EPHA8: variants seen among roughly 807,000 people sequenced by gnomAD.
EPHA8 encodes the protein EPH receptor A8.
EPHA8 carries 58 observed loss-of-function variants against 103.6 expected under a neutral mutation model. That is an observed-to-expected ratio of 0.56 (90% confidence interval 0.45 to 0.70). EPHA8 has a LOEUF of 0.70. EPHA8 is among the 30% of genes least tolerant of loss of function. EPHA8 has a pLI of 0.00. For missense variants in EPHA8, 1,304 were observed against 1,395.2 expected, an observed-to-expected ratio of 0.93 and a Z score of 1.04; for synonymous variants, 559 against 572.5, an observed-to-expected ratio of 0.98 and a Z score of 0.34.
In EPHA8 at chr1:22,589,148, C is replaced by T. The variant is rs199976748; in HGVS notation, c.1257C>T (p.Ser419=). Residue 419 remains serine, a synonymous_variant, in exon 5 of 17, where the codon TCC becomes TCT. Coordinates refer to ENST00000166244, the MANE Select transcript of EPHA8 (RefSeq NM_020526.5). This position sits in a 1 kb window ranked among gnomAD's most constrained non-coding sequence, Gnocchi z 4.3. ...GGATCGAGGCCGTCAATGGCGTGTC[C>T]GACCTGAGCCCCGAGCCCCGCCGGG... is the stretch of plus-strand genomic sequence containing the variant. ...SFWIEAVNGV[S]DLSPEPRRAA... 1.7e-5 allele frequency: 27 copies of T among 1,613,868 alleles called. 1 individual carries two copies. The highest frequency in any genetic ancestry group is 1.6e-4 in the Middle Eastern group (1 of 6,062).
intron 3 of EPHA8, among the ~76,000 whole-genome samples, chr1:22,579,130 CAT>C (rs1491294218): frequency 6.6e-5 from 7 of 106,234 alleles, no homozygotes; most frequent in Non-Finnish European, 1.0e-4. Context: ...TGTATGTGTG[CAT>C]GTGTGTGTGC....
chr1:22,578,807 A>G (rs1052148288), intron 3 of EPHA8, among the ~76,000 whole-genome samples: 25 of 146,992 alleles, frequency 1.7e-4, no homozygotes, highest in African/African-American at 6.5e-4. Context: ...GCGTGTGTGC[A>G]TGTATGTGTA....
chr1:22,601,223 C>A, intron 15 of EPHA8, 77 bp from the exon 16 acceptor site: 1 of 1,541,388 alleles, frequency 6.5e-7, no homozygotes, highest in South Asian at 1.3e-5. Flanking sequence ...CTGCCGAACC[C>A]CTTCCTCAGC....
At position 22,576,504 on chromosome 1, in the gene EPHA8, G is replaced by GGCCGACGAGAGCTTCACAGGT; in HGVS notation, c.454_474dup (p.Glu152_Asp158dup). The GGCCGACGAGAGCTTCACAGGT allele has an allele frequency of 6.2e-7, 1 of 1,614,126 alleles. No homozygotes were observed. The highest frequency in any genetic ancestry group is 8.5e-7 in the Non-Finnish European group (1 of 1,180,038). ...AGTTCCTCAAAATCGACACCATTGCGGCCGACGAGAGCTTCACAGGTGCCG... is the reference window on the plus strand; with the variant it reads ...AGTTCCTCAAAATCGACACCATTGCGGCCGACGAGAGCTTCACAGGTGCCGACGAGAGCTTCACAGGTGCCG... On this transcript the variant is annotated inframe_insertion, in exon 3 of 17. Coordinates refer to ENST00000166244, the MANE Select transcript of EPHA8 (RefSeq NM_020526.5). The surrounding 1 kb of genome is among the most constrained non-coding windows in gnomAD (Gnocchi z 4.8).
In EPHA8 at chr1:22,597,198, A is replaced by G. The variant is rs557282203; in HGVS notation, c.1766-114A>G. The G allele has an allele frequency of 7.4e-4, 619 of 830,964 alleles. 12 individuals carry two copies. The South Asian group carries it at 0.012, about 16-fold the overall frequency. 51.5% of individuals were successfully genotyped at this position (830,964 alleles called of 1,614,324 possible). ...GTGCGTGTTGTTTGCTACCACATCCAGAGACTCCCAGAGACACCCCTCACC... is the reference window on the plus strand; with the variant it reads ...GTGCGTGTTGTTTGCTACCACATCCGGAGACTCCCAGAGACACCCCTCACC... On this transcript the variant is annotated intron_variant, in intron 9 of 16. Transcript: ENST00000166244. The surrounding 1 kb of genome is among the most constrained non-coding windows in gnomAD (Gnocchi z 4.6).
At chr1:22,591,540 T>C (rs1248457235) in intron 5 of EPHA8, among the ~76,000 whole-genome samples, 1 of 152,004 alleles carries the variant, frequency 6.6e-6, no homozygotes, top group Non-Finnish European at 1.5e-5. Context: ...CCCAAGTTTT[T>C]TAGATGAAAA....
Position 22,576,181 on chromosome 1 carries a change from G to C in EPHA8, c.160-36G>C. On this transcript the variant is annotated intron_variant, in intron 2 of 16. Transcript: ENST00000166244. The surrounding 1 kb of genome is among the most constrained non-coding windows in gnomAD (Gnocchi z 4.8). ...ATTGGCAAAAGAGGGTGAGGTGCTG[G>C]CTCTGCTGTAGTGGCTGTGTTCTCT... 6.4e-7 allele frequency: 1 copy of C among 1,569,080 alleles called. No homozygotes were observed. The highest frequency in any genetic ancestry group is 8.7e-7 in the Non-Finnish European group (1 of 1,154,692).
At chr1:22,568,632 A>T (rs1030855229) in intron 1 of EPHA8, among the ~76,000 whole-genome samples, 3 of 152,254 alleles carry the variant, frequency 2.0e-5, no homozygotes, top group South Asian at 4.1e-4. Flanking sequence ...ATATTGGCAC[A>T]TAGTGGGTGC....
intron 4 of EPHA8, among the ~76,000 whole-genome samples, chr1:22,588,312 C>T (rs994749974): frequency 2.6e-5 from 4 of 152,056 alleles, no homozygotes; most frequent in Non-Finnish European, 5.9e-5. Flanking sequence ...GGTCACCCCT[C>T]TCTCTCCAAA....
Position 22,597,240 on chromosome 1 carries a change from C to T in EPHA8, c.1766-72C>T, listed in dbSNP as rs1391769280. 2 of 1,294,352 alleles carry T rather than the reference C, an allele frequency of 1.5e-6. No homozygotes were observed. The highest frequency in any genetic ancestry group is 1.5e-5 in the African/African-American group (1 of 68,772). 80.2% of individuals were successfully genotyped at this position (1,294,352 alleles called of 1,614,324 possible). On this transcript the variant is annotated intron_variant, in intron 9 of 16. Coordinates refer to ENST00000166244, the MANE Select transcript of EPHA8 (RefSeq NM_020526.5). This position sits in a 1 kb window ranked among gnomAD's most constrained non-coding sequence, Gnocchi z 4.6. ...CCCCTCACCCCACCCCAGACCCATC[C>T]CAGGCCCAGGGAATGTCAGGAAAAA...
At chr1:22,585,027 CTGTGTGTGTG>C (rs772415643) in intron 3 of EPHA8, among the ~76,000 whole-genome samples, 1 of 147,464 alleles carries the variant, frequency 6.8e-6, no homozygotes, top group Non-Finnish European at 1.5e-5. Flanking sequence ...GGTCGTTTCT[CTGTGTGTGTG>C]TGTGTGTGTG....
chr1:22,569,169 G>A lies in EPHA8; in HGVS notation c.95-120G>A. On this transcript the variant is annotated intron_variant, in intron 1 of 16. Coordinates refer to ENST00000166244, the MANE Select transcript of EPHA8 (RefSeq NM_020526.5). The surrounding 1 kb of genome is among the most constrained non-coding windows in gnomAD (Gnocchi z 4.5). ...GAGAGAAAGGGCATTCAGGCAGAGG[G>A]ACCCGTGTGAGCTGTGTGCTGGGGG... The A allele has an allele frequency of 2.2e-6, 2 of 889,230 alleles. No individual in the cohort carries two copies. Among genetic ancestry groups the A allele is most frequent in the Non-Finnish European group, 3.6e-6 (2 of 556,912 alleles). The allele number at this position is 889,230 out of a possible 1,614,324, so 55.1% of individuals were successfully genotyped here.
Position 22,569,322 on chromosome 1 carries a change from A to T in EPHA8, c.128A>T (p.Asp43Val). Residue 43 changes from aspartate (D) to valine (V), a missense_variant, in exon 2 of 17, where the codon GAC (aspartate) becomes GTC (valine). Physicochemically the swap from Asp to Val is radical, Grantham distance 152. Coordinates refer to ENST00000166244, the MANE Select transcript of EPHA8 (RefSeq NM_020526.5). The surrounding 1 kb of genome is among the most constrained non-coding windows in gnomAD (Gnocchi z 4.5). ...CTGGACACGTCGACCATCCACGGGG[A>T]CTGGGGCTGGCTCACGTATCCGGCT... ...NLLDTSTIHG[D>V]WGWLTYPAHG... 1 of 1,608,618 alleles carries T rather than the reference A, an allele frequency of 6.2e-7. No homozygotes were observed. The highest frequency in any genetic ancestry group is 8.5e-7 in the Non-Finnish European group (1 of 1,177,498).
intron 14 of EPHA8, 26 bp downstream of exon 14, chr1:22,600,836 G>A (rs201527223): frequency 7.4e-5 from 118 of 1,590,264 alleles, no homozygotes; most frequent in South Asian, 4.9e-4. Flanking sequence ...TGGCAGGTCC[G>A]CGGGCGGTGG....
At chr1:22,583,596 A>G (rs540852735) in intron 3 of EPHA8, among the ~76,000 whole-genome samples, 1 of 152,336 alleles carries the variant, frequency 6.6e-6, no homozygotes, top group East Asian at 1.9e-4. Flanking sequence ...ACTACATCAA[A>G]TTGTTATAAC....
intron 13 of EPHA8, among the ~76,000 whole-genome samples, chr1:22,599,518 A>T (rs556611076): frequency 1.2e-4 from 18 of 151,802 alleles, no homozygotes; most frequent in Admixed American, 9.8e-4. Flanking sequence ...CCTCTGTCCC[A>T]CAGCCTCTGG....
chr1:22,579,894 C>A (rs936205999), intron 3 of EPHA8, among the ~76,000 whole-genome samples: 1 of 152,114 alleles, frequency 6.6e-6, no homozygotes, highest in Non-Finnish European at 1.5e-5. Context: ...GTGAGAGGGA[C>A]CTTTAGTCCT....
Position 22,563,886 on chromosome 1 carries a change from G to C in EPHA8, c.94+157G>C, listed in dbSNP as rs113298037. 6.6e-6 allele frequency among the ~76,000 whole-genome samples: 1 copy of C among 152,004 alleles called. No individual in the cohort carries two copies. The highest frequency in any genetic ancestry group is 1.5e-5 in the Non-Finnish European group (1 of 67,964). On this transcript the variant is annotated intron_variant, in intron 1 of 16. Coordinates refer to ENST00000166244, the MANE Select transcript of EPHA8 (RefSeq NM_020526.5). The surrounding 1 kb of genome is among the most constrained non-coding windows in gnomAD (Gnocchi z 4.4). ...GGGGTGGCACCGCGGAAGAGACCCGGGATTAAGGGACAGAGCGGTGGAGAT... is the reference window on the plus strand; with the variant it reads ...GGGGTGGCACCGCGGAAGAGACCCGCGATTAAGGGACAGAGCGGTGGAGAT...
At position 22,592,323 on chromosome 1, in the gene EPHA8, TC is replaced by T. The variant is rs541820444; in HGVS notation, c.1316-999del. ...TGCAAACAGTGGCCTCATCGAATCC[TC>T]CCCTCCCCCTGGCAAGTGGTGCTCA... is the stretch of plus-strand genomic sequence containing the variant. On this transcript the variant is annotated intron_variant, in intron 5 of 16. Coordinates refer to ENST00000166244, the MANE Select transcript of EPHA8 (RefSeq NM_020526.5). Among the ~76,000 whole-genome samples, 33 of 151,986 alleles carry T rather than the reference TC, an allele frequency of 2.2e-4. No individual in the cohort carries two copies. The East Asian group carries it at 6.2e-3, about 29-fold the overall frequency.
Sources: gnomAD v4.1 joint callset for allele counts (sites outside exome capture counted in the v4.1 genomes callset) on GRCh38, gnomAD v4.1.1 for gene constraint, Gnocchi (gnomAD v3.1) non-coding constraint, MANE v1.5 for transcripts, NCBI Gene and HGNC (gene_info 2026-07-23, HGNC 2026-07-21) for gene names.